ENSA: variants seen among roughly 807,000 people sequenced by gnomAD.
ENSA encodes endosulfine alpha.
In ENSA, 7 loss-of-function variants were observed where a neutral mutation model predicts 16.8. The observed-to-expected ratio is 0.42, with a 90% confidence interval of 0.24 to 0.78. The LOEUF (loss-of-function observed/expected upper bound fraction) is 0.78, where lower values mean the gene tolerates loss of function less well. ENSA is among the 30% of genes least tolerant of loss of function. The pLI is 0.29. For missense variants in ENSA, 87 were observed against 142.3 expected (o/e 0.61, Z 1.98); for synonymous variants, 58 against 53.4 (o/e 1.09, Z -0.37).
chr1:150,628,268 G>A (rs1394020957), intron 1 of ENSA, among the ~76,000 whole-genome samples: 1 of 152,230 alleles, frequency 6.6e-6, no homozygotes, highest in South Asian at 2.1e-4. Context: ...GAGGCGGCTA[G>A]CTATGTGGCC....
chr1:150,623,226 A>G (rs977803688), intron 3 of ENSA: 16 of 1,064,608 alleles, frequency 1.5e-5, no homozygotes, highest in Non-Finnish European at 1.7e-5. Context: ...AGACTGAGGT[A>G]GCACAGAGAT....
intron 3 of ENSA, chr1:150,623,587 C>T (rs1649102621): frequency 1.0e-6 from 1 of 985,198 alleles, no homozygotes; most frequent in Non-Finnish European, 1.2e-6. Context: ...AAAAAAAGTA[C>T]AGAATTTGAG....
intron 3 of ENSA, among the ~76,000 whole-genome samples, 176 bp from the exon 4 acceptor site, chr1:150,623,035 T>C (rs963667769): frequency 3.9e-5 from 6 of 152,068 alleles, no homozygotes; most frequent in African/African-American, 1.4e-4. Flanking sequence ...AATCAAAAAA[T>C]AGAATTTCAG....
rs587653351 is a variant in ENSA at position 150,626,595 on chromosome 1, T to C, written c.184-787A>G. ...TTTTTGAGATGGAGCCTCGCTATGT[T>C]GCCCAGGCTGGAGTGCAGTGGCACG... On this transcript the variant is annotated intron_variant, in intron 2 of 3. Transcript: ENST00000369014. The C allele has an allele frequency of 4.0e-3, 4,922 of 1,225,732 alleles. 9 individuals carry two copies. Among genetic ancestry groups the C allele is most frequent in the Non-Finnish European group, 5.1e-3 (4,310 of 848,192 alleles). The allele number at this position is 1,225,732 out of a possible 1,614,324, so 75.9% of individuals were successfully genotyped here.
At chr1:150,623,413 T>C in intron 3 of ENSA, 1 of 985,878 alleles carries the variant, frequency 1.0e-6, no homozygotes, top group Non-Finnish European at 1.2e-6. Flanking sequence ...GTAGCTTGTT[T>C]GTTTTCTTAG....
intron 3 of ENSA, 118 bp from the exon 4 acceptor site, chr1:150,622,977 A>G (rs1398980196): frequency 7.6e-7 from 1 of 1,312,494 alleles, no homozygotes; most frequent in Admixed American, 2.5e-5. Context: ...AACAACCATT[A>G]GGCTACCTGG....
Position 150,625,806 on chromosome 1 carries a change from T to C in ENSA, c.186A>G (p.Gln62=). 1 of 1,599,470 alleles carries C rather than the reference T, an allele frequency of 6.3e-7. No individual in the cohort carries two copies. The highest frequency in any genetic ancestry group is 8.5e-7 in the Non-Finnish European group (1 of 1,172,014). ...DFLMKRLQKG[Q]KYFDSGDYNM... is the part of the protein sequence containing the mutation. ...TGTAGTCTCCTGAGTCAAAGTACTT[T>C]TGCTAAGAGATAAGAGGGAGGTTTA... is the stretch of plus-strand genomic sequence containing the variant. The change falls in exon 3 of 4, where the codon CAA becomes CAG. Residue 62 remains glutamine, a splice_region_variant and synonymous_variant. Coordinates refer to ENST00000369014, the MANE Select transcript of ENSA (RefSeq NM_004436.4).
In ENSA at chr1:150,625,683, C is replaced by T. The variant is rs760238315; in HGVS notation, c.309G>A (p.Leu103=). The part of the protein sequence containing the change: ...TGDHIPTPQD[L]PQRKSSLVTS... ...TGACGAGCGAGGACTTTCTCTGGGG[C>T]AGATCCTGTGGGGTGGGGATGTGAT... Residue 103 remains leucine, a synonymous_variant, in exon 3 of 4, where the codon CTG becomes CTA. Coordinates refer to ENST00000369014, the MANE Select transcript of ENSA (RefSeq NM_004436.4). 5.6e-6 allele frequency: 9 copies of T among 1,611,530 alleles called. No individual in the cohort carries two copies. The Admixed American group carries it at 8.4e-5, about 15-fold the overall frequency.
chr1:150,623,518 T>G (rs1649098424), intron 3 of ENSA: 1 of 985,820 alleles, frequency 1.0e-6, no homozygotes, highest in South Asian at 4.7e-5. Flanking sequence ...AGACTCATTG[T>G]GACCAGTAGT....
chr1:150,623,237 G>A, intron 3 of ENSA: 2 of 1,049,762 alleles, frequency 1.9e-6, no homozygotes, highest in Non-Finnish European at 2.3e-6. Context: ...GCACAGAGAT[G>A]AGGTGGTGAC....
chr1:150,622,736 ACCT>A lies in ENSA; in HGVS notation c.*105_*107del. On this transcript the variant is annotated 3_prime_UTR_variant, in exon 4 of 4. Transcript: ENST00000369014. Reference sequence around the variant, plus strand: ...TGCCTCTCCAGCCCACACCCGAGCCACCTCCTGACCCCTGGCTGCAAAAGCAGG... The same window carrying A: ...TGCCTCTCCAGCCCACACCCGAGCCACCTGACCCCTGGCTGCAAAAGCAGG... 1 of 1,292,370 alleles carries A rather than the reference ACCT, an allele frequency of 7.7e-7. No individual in the cohort carries two copies. The highest frequency in any genetic ancestry group is 1.1e-6 in the Non-Finnish European group (1 of 942,132). The allele number at this position is 1,292,370 out of a possible 1,614,324, so 80.1% of individuals were successfully genotyped here. A position where few individuals can be genotyped will look rare whatever the true frequency, so the allele number is the denominator to read the frequency against.
intron 3 of ENSA, chr1:150,625,427 A>G: frequency 1.6e-6 from 2 of 1,250,458 alleles, no homozygotes; most frequent in Non-Finnish European, 2.0e-6. Flanking sequence ...CCCTACCTGG[A>G]CTACAGGGAG....
At chr1:150,623,191 G>C (rs1649076235) in intron 3 of ENSA, 1 of 1,128,558 alleles carries the variant, frequency 8.9e-7, no homozygotes, top group South Asian at 2.8e-5. Flanking sequence ...GGCTGTTTCA[G>C]AGGCATGGCC....
At chr1:150,623,157 G>A (rs1405834282) in intron 3 of ENSA, 4 of 1,198,720 alleles carry the variant, frequency 3.3e-6, no homozygotes, top group Non-Finnish European at 4.2e-6. Flanking sequence ...GTTTCCAGGT[G>A]GGTAAGCTGC....
Position 150,627,088 on chromosome 1 carries a change from T to TA in ENSA, c.183+378_183+379insT. The TA allele has an allele frequency of 2.2e-6, 3 of 1,361,032 alleles. 1 individual carries two copies. The South Asian group carries it at 5.3e-5, about 24-fold the overall frequency. The allele number at this position is 1,361,032 out of a possible 1,614,324, so 84.3% of individuals were successfully genotyped here. ...ATTTATTTCTGTAGGAGAGATGGTT[T>TA]GATCTTCTTCTGAAATGATGCATCC... On this transcript the variant is annotated intron_variant, in intron 2 of 3. Transcript: ENST00000369014.
rs375460829 is a variant in ENSA at position 150,629,034 on chromosome 1, C to A, written c.57+380G>T. 3.1e-6 allele frequency: 5 copies of A among 1,612,184 alleles called. No homozygotes were observed. The African/African-American group carries it at 6.7e-5, about 22-fold the overall frequency. ...TATCTTTGCGGATTGAGGCTGCGGG[C>A]CCCAGCCCGGTTGCTGGGTCACTTA... On this transcript the variant is annotated intron_variant, in intron 1 of 3. Coordinates refer to ENST00000369014, the MANE Select transcript of ENSA (RefSeq NM_004436.4).
At chr1:150,627,902 T>C (rs1006127975) in intron 1 of ENSA, among the ~76,000 whole-genome samples, 1 of 151,964 alleles carries the variant, frequency 6.6e-6, no homozygotes, top group Non-Finnish European at 1.5e-5. Context: ...TCAGCACAAA[T>C]GCTAAGAAAG....
intron 1 of ENSA, among the ~76,000 whole-genome samples, chr1:150,628,273 G>A (rs1649488028): frequency 6.6e-6 from 1 of 152,094 alleles, no homozygotes; most frequent in Admixed American, 6.5e-5. Context: ...GGCTAGCTAT[G>A]TGGCCTTCTC....
At chr1:150,626,464 G>C (rs1205405380) in intron 2 of ENSA, 15 of 1,608,442 alleles carry the variant, frequency 9.3e-6, no homozygotes, top group Non-Finnish European at 1.3e-5. Context: ...TCCTCCACAG[G>C]GATGTTTCAC....
Sources: gnomAD v4.1 joint callset for allele counts (sites outside exome capture counted in the v4.1 genomes callset) on GRCh38, gnomAD v4.1.1 for gene constraint, MANE v1.5 for transcripts, NCBI Gene and HGNC (gene_info 2026-07-23, HGNC 2026-07-21) for gene names.